The following HMGCLL1 variants were observed in gnomAD, a reference collection of about 807,000 sequenced individuals.
HMGCLL1 encodes 3-hydroxy-3-methylglutaryl-CoA lyase like 1.
A neutral mutation model predicts 39.1 loss-of-function variants in HMGCLL1; 36 were observed. The ratio of observed to expected loss-of-function variants is 0.92; its 90% confidence interval spans 0.71 to 1.22. HMGCLL1 has a LOEUF of 1.22. Among genes scored for constraint, HMGCLL1 ranks in the 50% most tolerant of loss-of-function variants. The pLI is 0.00. For missense variants in HMGCLL1, 451 were observed against 416.5 expected, an observed-to-expected ratio of 1.08 and a Z score of -0.72; for synonymous variants, 149 against 144.0, an observed-to-expected ratio of 1.03 and a Z score of -0.25.
intron 3 of HMGCLL1, among the ~76,000 whole-genome samples, chr6:55,530,410 C>A (rs1474649386): frequency 6.6e-6 from 1 of 151,668 alleles, no homozygotes; most frequent in East Asian, 1.9e-4. Context: ...AATGAAAATA[C>A]CTAATATCCA....
In HMGCLL1 at chr6:55,574,112, T is replaced by C. The variant is rs544493603; in HGVS notation, c.108+4836A>G. 3.9e-5 allele frequency among the ~76,000 whole-genome samples: 6 copies of C among 151,956 alleles called. No individual in the cohort carries two copies. The East Asian group carries it at 1.2e-3, about 29-fold the overall frequency. ...TTCATTTATACTTATAAACATCATATATGTGTGTGTGTATATATATACATT... is the reference window on the plus strand; with the variant it reads ...TTCATTTATACTTATAAACATCATACATGTGTGTGTGTATATATATACATT... On this transcript the variant is annotated intron_variant, in intron 1 of 8. Transcript: ENST00000274901.
intron 7 of HMGCLL1, among the ~76,000 whole-genome samples, chr6:55,468,569 G>C (rs957126889): frequency 2.0e-4 from 30 of 151,930 alleles, no homozygotes; most frequent in African/African-American, 6.3e-4. Flanking sequence ...AATGGAGCCA[G>C]TAGAGAAGGA....
At position 55,495,613 on chromosome 6, in the gene HMGCLL1, G is replaced by A. The variant is rs959485064; in HGVS notation, c.607-6C>T. 1 of 1,574,648 alleles carries A rather than the reference G, an allele frequency of 6.4e-7. No homozygotes were observed. Among genetic ancestry groups the A allele is most frequent in the Non-Finnish European group, 8.6e-7 (1 of 1,160,040 alleles). ...CCGTACAATCTCTTAGACACCTGTT[G>A]ATAAAGGTGAAGTGCTAGTAAAATA... On this transcript the variant is annotated splice_polypyrimidine_tract_variant and splice_region_variant and intron_variant, in intron 6 of 8. Coordinates refer to ENST00000274901, the MANE Select transcript of HMGCLL1 (RefSeq NM_001042406.2).
At chr6:55,560,705 C>T (rs1770905166) in intron 1 of HMGCLL1, among the ~76,000 whole-genome samples, 1 of 152,152 alleles carries the variant, frequency 6.6e-6, no homozygotes, top group Non-Finnish European at 1.5e-5. Flanking sequence ...AACATTCCAT[C>T]CATGTTCATT....
intron 3 of HMGCLL1, among the ~76,000 whole-genome samples, chr6:55,532,940 A>T (rs1250292963): frequency 6.6e-6 from 1 of 151,192 alleles, no homozygotes; most frequent in Non-Finnish European, 1.5e-5. Flanking sequence ...ATATTTATAA[A>T]TAGGCTTTGG....
intron 5 of HMGCLL1, among the ~76,000 whole-genome samples, chr6:55,503,636 C>A (rs900174802): frequency 6.6e-6 from 1 of 151,648 alleles, no homozygotes; most frequent in Non-Finnish European, 1.5e-5. Flanking sequence ...CCCAAAGTGC[C>A]TCATGTATAT....
chr6:55,566,910 A>C (rs1428062199), intron 1 of HMGCLL1, among the ~76,000 whole-genome samples: 2 of 152,108 alleles, frequency 1.3e-5, no homozygotes, highest in African/African-American at 4.8e-5. Context: ...ATATTTTGCC[A>C]ATCAGAAAGG....
chr6:55,557,216 C>T (rs1201507541), intron 1 of HMGCLL1, among the ~76,000 whole-genome samples: 7 of 152,122 alleles, frequency 4.6e-5, no homozygotes, highest in African/African-American at 1.4e-4. Flanking sequence ...TATATTTTTC[C>T]AGCCACTAAG....
intron 1 of HMGCLL1, among the ~76,000 whole-genome samples, chr6:55,550,635 G>A (rs1770277649): frequency 1.3e-5 from 2 of 151,882 alleles, no homozygotes; most frequent in African/African-American, 4.9e-5. Context: ...TGGGATTTGG[G>A]AGCTAGATGA....
At chr6:55,522,715 T>G (rs1235702173) in intron 3 of HMGCLL1, among the ~76,000 whole-genome samples, 1 of 152,080 alleles carries the variant, frequency 6.6e-6, no homozygotes, top group Non-Finnish European at 1.5e-5. Context: ...ATGATACATG[T>G]CATTTCTATG....
At chr6:55,476,275 A>G (rs1226879985) in intron 7 of HMGCLL1, among the ~76,000 whole-genome samples, 2 of 151,680 alleles carry the variant, frequency 1.3e-5, no homozygotes, top group Non-Finnish European at 3.0e-5. Context: ...CTATATAGTA[A>G]TATAACATGT....
chr6:55,661,830 T>G, the HMGCLL1 span, among the ~76,000 whole-genome samples: 58 of 152,088 alleles, frequency 3.8e-4, 1 homozygote, highest in African/African-American at 1.3e-3. Context: ...GTGATATTGA[T>G]TCTTTCTATT....
chr6:55,597,280 A>T, the HMGCLL1 span, among the ~76,000 whole-genome samples: 1 of 152,124 alleles, frequency 6.6e-6, no homozygotes, highest in Non-Finnish European at 1.5e-5. Context: ...ATATACTTTT[A>T]AAAAGATTAT....
the HMGCLL1 span, among the ~76,000 whole-genome samples, chr6:55,606,297 A>G: frequency 2.6e-5 from 4 of 152,212 alleles, no homozygotes; most frequent in African/African-American, 7.2e-5. Flanking sequence ...TACACACGAC[A>G]TATATCCATT....
chr6:55,472,964 G>A (rs565580586), intron 7 of HMGCLL1, among the ~76,000 whole-genome samples: 1 of 151,182 alleles, frequency 6.6e-6, no homozygotes, highest in African/African-American at 2.4e-5. Flanking sequence ...ATTTCTTCTT[G>A]GATAATGTAT....
chr6:55,669,150 T>C, the HMGCLL1 span, among the ~76,000 whole-genome samples: 1 of 151,576 alleles, frequency 6.6e-6, no homozygotes, highest in Non-Finnish European at 1.5e-5. Context: ...TATTAATTCC[T>C]GGAGTCACTG....
the HMGCLL1 span, among the ~76,000 whole-genome samples, chr6:55,622,093 A>G: frequency 6.7e-3 from 1,025 of 152,230 alleles, 9 homozygotes; most frequent in African/African-American, 0.024. Context: ...GTTAGCATAT[A>G]GAAATGCTAC....
chr6:55,476,041 T>A (rs918887169), intron 7 of HMGCLL1, among the ~76,000 whole-genome samples: 14 of 151,660 alleles, frequency 9.2e-5, no homozygotes, highest in Admixed American at 7.9e-4. Flanking sequence ...AAATTCCCCT[T>A]TTCGATTGCC....
In HMGCLL1 at chr6:55,442,905, A is replaced by G. The variant is rs141799536; in HGVS notation, c.796-3346T>C. Among the ~76,000 whole-genome samples, 170 of 152,314 alleles carry G rather than the reference A, an allele frequency of 1.1e-3. 1 individual carries two copies. The highest frequency in any genetic ancestry group is 3.9e-3 in the African/African-American group (164 of 41,582). ...GTTGACCCGTCTCTGGGAGTCTGCC[A>G]TGATATAAACAGGCAGGGGCATTTC... On this transcript the variant is annotated intron_variant, in intron 7 of 8. Transcript: ENST00000274901.
Sources: allele counts gnomAD v4.1 joint callset (sites outside exome capture counted in the v4.1 genomes callset), GRCh38; gene constraint gnomAD v4.1.1; transcripts MANE v1.5; gene names NCBI Gene and HGNC (gene_info 2026-07-23, HGNC 2026-07-21).